The following CEP112 variants were observed in gnomAD, a reference collection of about 807,000 sequenced individuals.
The protein encoded by CEP112 is centrosomal protein 112.
Under a neutral mutation model 153.0 loss-of-function variants are expected in CEP112, and 127 were observed. The observed-to-expected ratio is 0.83, with a 90% CI of 0.72 to 0.96. The LOEUF (loss-of-function observed/expected upper bound fraction) is 0.96, where lower values mean the gene tolerates loss of function less well. CEP112 is among the 40% of genes least tolerant of loss of function. CEP112 has a pLI of 0.00. For missense variants in CEP112, 1,089 were observed against 1,101.2 expected, an observed-to-expected ratio of 0.99 and a Z score of 0.16; for synonymous variants, 358 against 374.4, an observed-to-expected ratio of 0.96 and a Z score of 0.51.
intron 8 of CEP112, among the ~76,000 whole-genome samples, chr17:66,081,841 G>A (rs1160614639): frequency 6.6e-6 from 1 of 152,130 alleles, no homozygotes; most frequent in African/African-American, 2.4e-5. Flanking sequence ...CTTGAACCCA[G>A]GAGACAGAGA....
rs544308578 is a variant in CEP112 at position 66,096,704 on chromosome 17, T to C, written c.643-72A>G. On this transcript the variant is annotated intron_variant, in intron 6 of 26. Coordinates refer to ENST00000535342, the MANE Select transcript of CEP112 (RefSeq NM_001199165.4). ...GTTTTAATTATTATTTGATAAAATA[T>C]AGAATTAAGCTGCCATATGAAACAT... The C allele has an allele frequency of 1.2e-5, 12 of 979,864 alleles. No homozygotes were observed. In the South Asian group the frequency reaches 1.7e-4, roughly 14 times the overall value. 60.7% of individuals were successfully genotyped at this position (979,864 alleles called of 1,614,324 possible). A position where few individuals can be genotyped will look rare whatever the true frequency, so the allele number is the denominator to read the frequency against.
intron 20 of CEP112, among the ~76,000 whole-genome samples, chr17:65,885,996 T>C (rs2059263322): frequency 6.6e-6 from 1 of 152,218 alleles, no homozygotes; most frequent in African/African-American, 2.4e-5. Context: ...TTTGTACTGC[T>C]CAACTGATAG....
Position 66,028,408 on chromosome 17 carries a change from A to G in CEP112, c.1504-3T>C. The G allele has an allele frequency of 6.6e-7, 1 of 1,516,740 alleles. No homozygotes were observed. The highest frequency in any genetic ancestry group is 1.4e-5 in the African/African-American group (1 of 71,546). 94.0% of individuals were successfully genotyped at this position (1,516,740 alleles called of 1,614,324 possible). A position where few individuals can be genotyped will look rare whatever the true frequency, so the allele number is the denominator to read the frequency against. ...AATTCTTCAATCATACTAGATGCCTACAAGGATTTTAAGAAGAATAAAAAG... is the reference window on the plus strand; with the variant it reads ...AATTCTTCAATCATACTAGATGCCTGCAAGGATTTTAAGAAGAATAAAAAG... On this transcript the variant is annotated splice_polypyrimidine_tract_variant and splice_region_variant and intron_variant, in intron 14 of 26. Coordinates refer to ENST00000535342, the MANE Select transcript of CEP112 (RefSeq NM_001199165.4).
chr17:65,858,711 A>G (rs1183886931), intron 20 of CEP112, among the ~76,000 whole-genome samples: 2 of 152,224 alleles, frequency 1.3e-5, no homozygotes, highest in Non-Finnish European at 2.9e-5. Context: ...CCGTTTAAAA[A>G]TAAATGGCAG....
intron 8 of CEP112, among the ~76,000 whole-genome samples, chr17:66,087,810 G>A (rs1014384977): frequency 6.6e-6 from 1 of 152,080 alleles, no homozygotes; most frequent in Admixed American, 6.5e-5. Flanking sequence ...ACAGTAAAGC[G>A]TGGAGAGACC....
At chr17:65,653,896 G>A (rs1464002521) in intron 24 of CEP112, among the ~76,000 whole-genome samples, 4 of 151,332 alleles carry the variant, frequency 2.6e-5, no homozygotes, top group East Asian at 2.0e-4. Context: ...CCATCTCTAC[G>A]AAAAATACAA....
chr17:66,097,906 A>G (rs2068415387), intron 6 of CEP112, among the ~76,000 whole-genome samples: 2 of 152,232 alleles, frequency 1.3e-5, no homozygotes, highest in Admixed American at 1.3e-4. Flanking sequence ...ACAAGAACAC[A>G]AACTATCACT....
intron 23 of CEP112, among the ~76,000 whole-genome samples, 163 bp from the exon 24 acceptor site, chr17:65,689,381 T>C (rs1486807462): frequency 6.6e-6 from 1 of 152,156 alleles, no homozygotes; most frequent in Admixed American, 6.5e-5. Flanking sequence ...CAGGCCAAGA[T>C]GTTTTCTGCT....
At chr17:66,190,715 T>C (rs1397886430) in intron 1 of CEP112, among the ~76,000 whole-genome samples, 1 of 152,232 alleles carries the variant, frequency 6.6e-6, no homozygotes, top group Non-Finnish European at 1.5e-5. Flanking sequence ...AACTCACCCA[T>C]GCTGCCTTTT....
At chr17:65,782,618 A>G (rs187831467) in intron 21 of CEP112, among the ~76,000 whole-genome samples, 1 of 152,378 alleles carries the variant, frequency 6.6e-6, no homozygotes, top group East Asian at 1.9e-4. Flanking sequence ...TATTGCATAA[A>G]GAAAATGTGG....
chr17:65,691,728 C>T (rs2048112498), intron 23 of CEP112, among the ~76,000 whole-genome samples: 1 of 152,132 alleles, frequency 6.6e-6, no homozygotes, highest in Admixed American at 6.5e-5. Flanking sequence ...TCATAGCTAC[C>T]AACAAATAGG....
intron 19 of CEP112, among the ~76,000 whole-genome samples, chr17:65,903,553 A>C (rs2059953467): frequency 6.6e-6 from 1 of 152,222 alleles, no homozygotes; most frequent in Non-Finnish European, 1.5e-5. Flanking sequence ...AGCGGGTACC[A>C]TTCCTTCTGA....
chr17:65,749,166 T>C (rs1011202441), intron 22 of CEP112, among the ~76,000 whole-genome samples: 2 of 152,138 alleles, frequency 1.3e-5, no homozygotes, highest in South Asian at 2.1e-4. Flanking sequence ...CGACTCTTCA[T>C]TTGGACAAAG....
intron 21 of CEP112, among the ~76,000 whole-genome samples, chr17:65,833,082 A>G (rs1194715902): frequency 6.6e-6 from 1 of 152,182 alleles, no homozygotes; most frequent in Non-Finnish European, 1.5e-5. Flanking sequence ...AATTCATCAC[A>G]TAAACAGAAC....
intron 4 of CEP112, among the ~76,000 whole-genome samples, chr17:66,140,467 G>C (rs979331524): frequency 6.6e-6 from 1 of 152,092 alleles, no homozygotes; most frequent in Non-Finnish European, 1.5e-5. Context: ...AAAGTAAAAA[G>C]GAAAATGGTT....
At chr17:66,159,523 C>A (rs2071602963) in intron 4 of CEP112, among the ~76,000 whole-genome samples, 1 of 152,208 alleles carries the variant, frequency 6.6e-6, no homozygotes, top group Non-Finnish European at 1.5e-5. Flanking sequence ...GGCTTCATCA[C>A]TGGGATGCAA....
intron 19 of CEP112, among the ~76,000 whole-genome samples, chr17:65,920,597 TACAA>T (rs1320141641): frequency 6.6e-6 from 1 of 150,856 alleles, no homozygotes; most frequent in East Asian, 2.0e-4. Context: ...ACCTTAAATT[TACAA>T]ACAGAGAGAT....
chr17:65,953,200 T>A (rs996610019), intron 18 of CEP112, among the ~76,000 whole-genome samples: 1 of 152,230 alleles, frequency 6.6e-6, no homozygotes, highest in Non-Finnish European at 1.5e-5. Context: ...TTCTCAGACA[T>A]GTTAAGTTTT....
At chr17:65,781,307 C>T (rs186761277) in intron 21 of CEP112, among the ~76,000 whole-genome samples, 41 of 152,074 alleles carry the variant, frequency 2.7e-4, no homozygotes, top group Non-Finnish European at 5.6e-4. Flanking sequence ...AAGATCTCTG[C>T]GAGGAGAATT....
Sources: gnomAD v4.1 joint callset for allele counts (sites outside exome capture counted in the v4.1 genomes callset) on GRCh38, gnomAD v4.1.1 for gene constraint, MANE v1.5 for transcripts, NCBI Gene and HGNC (gene_info 2026-07-23, HGNC 2026-07-21) for gene names.